DOCK3: variants seen among roughly 807,000 people sequenced by gnomAD.
The protein encoded by DOCK3 is dedicator of cytokinesis protein 3.
A neutral mutation model predicts 265.6 loss-of-function variants in DOCK3; 60 were observed. The observed-to-expected ratio is 0.23, with a 90% CI of 0.18 to 0.28. DOCK3 has a LOEUF of 0.28. Ranked by LOEUF, DOCK3 falls within the 10% of genes least tolerant of loss-of-function variation. DOCK3 has a pLI of 1.00. For synonymous variants in DOCK3, 881 were observed against 938.0 expected, an observed-to-expected ratio of 0.94 and a Z score of 1.11; for missense variants, 1,981 against 2,594.3, an observed-to-expected ratio of 0.76 and a Z score of 5.14.
intron 1 of DOCK3, among the ~76,000 whole-genome samples, chr3:50,680,680 T>A (rs974864572): frequency 6.8e-5 from 10 of 146,166 alleles, no homozygotes; most frequent in Non-Finnish European, 1.4e-4. Flanking sequence ...GAATTTTTAA[T>A]TTTTTTTTTT....
At chr3:50,830,852 T>C (rs1197306481) in intron 2 of DOCK3, among the ~76,000 whole-genome samples, 4 of 152,200 alleles carry the variant, frequency 2.6e-5, no homozygotes, top group African/African-American at 4.8e-5. Context: ...AATGAAAGAA[T>C]GGCTACTCCA....
At chr3:50,988,565 C>T (rs1575689857) in intron 5 of DOCK3, among the ~76,000 whole-genome samples, 1 of 152,194 alleles carries the variant, frequency 6.6e-6, no homozygotes, top group Non-Finnish European at 1.5e-5. Flanking sequence ...AAGTGAATCC[C>T]TAATCCCATT....
chr3:51,193,801 C>CTTTTTTTTT (rs36051516), intron 12 of DOCK3, among the ~76,000 whole-genome samples: 3 of 126,656 alleles, frequency 2.4e-5, no homozygotes, highest in South Asian at 5.1e-4. Context: ...GGGCTTCTCT[C>CTTTTTTTTT]TTTTTTTTTT....
Position 51,276,463 on chromosome 3 carries a change from C to T in DOCK3, c.2677-1145C>T, listed in dbSNP as rs58236908. On this transcript the variant is annotated intron_variant, in intron 25 of 52. Coordinates refer to ENST00000266037, the MANE Select transcript of DOCK3 (RefSeq NM_004947.5). ...GGAACCAGTAAAAACTTGGAGGTGA[C>T]GGTTTGGTTGTGTTTGTGGGGCTAG... 5.4e-3 allele frequency: 5,353 copies of T among 983,686 alleles called. 222 individuals are homozygous for T. The African/African-American group carries it at 0.084, about 15-fold the overall frequency. 60.9% of individuals were successfully genotyped at this position (983,686 alleles called of 1,614,324 possible).
At chr3:51,097,309 G>A (rs1349732841) in intron 9 of DOCK3, among the ~76,000 whole-genome samples, 1 of 152,196 alleles carries the variant, frequency 6.6e-6, no homozygotes, top group Non-Finnish European at 1.5e-5. Context: ...CCTTCCCAGA[G>A]TGGAGGAATC....
intron 21 of DOCK3, among the ~76,000 whole-genome samples, chr3:51,242,939 C>T (rs909139610): frequency 5.3e-5 from 8 of 152,116 alleles, no homozygotes; most frequent in African/African-American, 1.2e-4. Flanking sequence ...GGCATAGGGT[C>T]GCACCAGTGG....
At chr3:51,336,350 T>TG (rs1553860965) in intron 35 of DOCK3, among the ~76,000 whole-genome samples, 1 of 152,032 alleles carries the variant, frequency 6.6e-6, no homozygotes, top group Non-Finnish European at 1.5e-5. Context: ...GTTTTTTTTT[T>TG]TGTGCCTGGA....
chr3:51,108,540 C>A (rs1045789418), intron 9 of DOCK3, among the ~76,000 whole-genome samples: 5 of 152,192 alleles, frequency 3.3e-5, no homozygotes, highest in Admixed American at 2.6e-4. Flanking sequence ...ACATTCACTA[C>A]TAACCTTGGA....
rs557060355 is a variant in DOCK3, at chr3:51,208,727, G to A, written c.1038-47G>A. On this transcript the variant is annotated intron_variant, in intron 12 of 52. Coordinates refer to ENST00000266037, the MANE Select transcript of DOCK3 (RefSeq NM_004947.5). ...TGTTACACATTGGAACATCAGACCA[G>A]TTGTTTAAAATACTTGAGTACCATA... The A allele has an allele frequency of 2.7e-6, 4 of 1,499,944 alleles. No homozygotes were observed. In the East Asian group the frequency reaches 9.6e-5, roughly 36 times the overall value. 92.9% of individuals were successfully genotyped at this position (1,499,944 alleles called of 1,614,324 possible).
intron 8 of DOCK3, among the ~76,000 whole-genome samples, 162 bp downstream of exon 8, chr3:51,089,446 C>G (rs1348155693): frequency 6.6e-6 from 1 of 152,148 alleles, no homozygotes; most frequent in Non-Finnish European, 1.5e-5. Context: ...TGGCCAGACT[C>G]TACTTCTACT....
At position 51,246,784 on chromosome 3, in the gene DOCK3, G is replaced by C; in HGVS notation, c.2161G>C (p.Asp721His). The part of the protein sequence containing the change: ...MDCSAELIRQ[D>H]HIQEAMRALE... The stretch of plus-strand genomic sequence containing the variant: ...CTGCTCAGCAGAACTGATTCGACAG[G>C]ACCACATTCAAGAAGCTATGCGGGT... Residue 721 changes from aspartate (D) to histidine (H), a missense_variant, in exon 22 of 53, where the codon GAC (aspartate) becomes CAC (histidine). Asp to His is a moderately conservative substitution (Grantham distance 81). This residue lies in a region of DOCK3 where 1,357 missense variants were observed against 1,866.8 expected (regional missense o/e 0.73). Transcript: ENST00000266037. 1 of 1,613,412 alleles carries C rather than the reference G, an allele frequency of 6.2e-7. No individual in the cohort carries two copies. Among genetic ancestry groups the C allele is most frequent in the Non-Finnish European group, 8.5e-7 (1 of 1,179,662 alleles).
At chr3:51,131,468 G>T (rs566615809) in intron 9 of DOCK3, among the ~76,000 whole-genome samples, 110 of 152,218 alleles carry the variant, frequency 7.2e-4, no homozygotes, top group African/African-American at 2.6e-3. Context: ...TCCTTCTTTG[G>T]GGGTACCTGG....
At chr3:50,881,916 A>C (rs2048052343) in intron 3 of DOCK3, among the ~76,000 whole-genome samples, 1 of 152,160 alleles carries the variant, frequency 6.6e-6, no homozygotes, top group Non-Finnish European at 1.5e-5. Flanking sequence ...ACCAAAACAG[A>C]GATATAGACC....
intron 19 of DOCK3, among the ~76,000 whole-genome samples, chr3:51,233,346 C>CTATTTATTTATT (rs1404782033): frequency 1.2e-5 from 1 of 81,888 alleles, no homozygotes; most frequent in African/African-American, 4.7e-5. Context: ...ATCTATCTAT[C>CTATTTATTTATT]TATCTATCTA....
At chr3:50,962,913 G>A (rs940887725) in intron 5 of DOCK3, among the ~76,000 whole-genome samples, 4 of 152,182 alleles carry the variant, frequency 2.6e-5, no homozygotes, top group Admixed American at 2.0e-4. Flanking sequence ...TGGGCCAGGC[G>A]CAGTGGCTCA....
At chr3:50,914,601 T>C (rs1575518368) in intron 4 of DOCK3, among the ~76,000 whole-genome samples, 2 of 152,186 alleles carry the variant, frequency 1.3e-5, no homozygotes, top group African/African-American at 4.8e-5. Context: ...ACTTGTGTTG[T>C]GGCCTAACAT....
chr3:51,202,872 T>C (rs892809525), intron 12 of DOCK3, among the ~76,000 whole-genome samples: 2 of 151,552 alleles, frequency 1.3e-5, no homozygotes, highest in Non-Finnish European at 2.9e-5. Context: ...TATACACAAA[T>C]CAATAAATGT....
chr3:51,361,948 G>C lies in DOCK3; in HGVS notation c.5096G>C (p.Gly1699Ala), dbSNP rs768204481. The C allele has an allele frequency of 6.2e-7, 1 of 1,612,228 alleles. No homozygotes were observed. The highest frequency in any genetic ancestry group is 2.2e-5 in the East Asian group (1 of 44,816). Residue 1699 changes from glycine (G) to alanine (A), a missense_variant, in exon 48 of 53, where the codon GGT (glycine) becomes GCT (alanine). Transcript: ENST00000266037. This position sits in a 1 kb window ranked among gnomAD's most constrained non-coding sequence, Gnocchi z 4.2. ...GAAGCAGGAAACATGGTGATGCTGG[G>C]TGACGGCTCCATGGGTGATGCTCCT... ...SSEAGNMVML[G>A]DGSMGDAPED...
chr3:50,916,898 A>G (rs35150418), intron 4 of DOCK3, among the ~76,000 whole-genome samples: 14,259 of 151,060 alleles, frequency 0.094, 839 homozygotes, highest in Non-Finnish European at 0.12. Context: ...GGCTCCCTTT[A>G]TGAGGGGGAC....
Sources: gnomAD v4.1 joint callset for allele counts (sites outside exome capture counted in the v4.1 genomes callset) on GRCh38, gnomAD v4.1.1 for gene constraint, gnomAD v4.1.1 regional missense constraint, Gnocchi (gnomAD v3.1) non-coding constraint, MANE v1.5 for transcripts, NCBI Gene and HGNC (gene_info 2026-07-23, HGNC 2026-07-21) for gene names.